The following STAG1 variants were observed in gnomAD, a reference collection of about 807,000 sequenced individuals.
STAG1 encodes the protein STAG1 cohesin complex component, also known as cohesin subunit SA-1.
In STAG1, 26 loss-of-function variants were observed where a neutral mutation model predicts 170.9. The observed-to-expected ratio is 0.15, with a 90% CI of 0.11 to 0.21. STAG1 has a LOEUF of 0.21. Ranked by LOEUF, STAG1 falls within the 10% of genes least tolerant of loss-of-function variation. The probability of loss-of-function intolerance (pLI) is 1.00; values close to 1 mark genes in which losing one functional copy is unlikely to be tolerated. For missense variants in STAG1, 964 were observed against 1,509.5 expected, an observed-to-expected ratio of 0.64 and a Z score of 5.99; for synonymous variants, 514 against 497.7, an observed-to-expected ratio of 1.03 and a Z score of -0.44.
At chr3:136,422,310 ACTCAATTTCATTTTAAAAT>A in intron 19 of STAG1, 81 bp downstream of exon 19, 1 of 1,126,084 alleles carries the variant, frequency 8.9e-7, no homozygotes, top group East Asian at 2.5e-5. Context: ...AGACAATTCT[ACTCAATTTCATTTTAAAAT>A]GAAAATGATT....
At chr3:136,428,862 T>G (rs1167370732) in intron 16 of STAG1, among the ~76,000 whole-genome samples, 1 of 152,150 alleles carries the variant, frequency 6.6e-6, no homozygotes, top group Non-Finnish European at 1.5e-5. Flanking sequence ...CAGCCAGGAA[T>G]GAGGGCTCAC....
intron 7 of STAG1, among the ~76,000 whole-genome samples, chr3:136,503,883 G>GCC (rs1013670593): frequency 7.9e-5 from 12 of 151,924 alleles, no homozygotes; most frequent in Admixed American, 1.3e-4. Context: ...TTACAGACAT[G>GCC]CACCACCACG....
At chr3:136,422,261 T>C (rs946027947) in intron 19 of STAG1, 149 bp downstream of exon 19, 4 of 617,428 alleles carry the variant, frequency 6.5e-6, no homozygotes, top group Admixed American at 3.1e-5. Flanking sequence ...CTTTATAGAA[T>C]ACACAATTGT....
intron 22 of STAG1, among the ~76,000 whole-genome samples, chr3:136,397,855 A>G (rs948589496): frequency 6.6e-6 from 1 of 152,160 alleles, no homozygotes; most frequent in African/African-American, 2.4e-5. Context: ...AAATTCAAAA[A>G]AAAAAAATTT....
At chr3:136,595,710 A>G (rs1261072822) in intron 4 of STAG1, among the ~76,000 whole-genome samples, 3 of 149,246 alleles carry the variant, frequency 2.0e-5, no homozygotes, top group African/African-American at 4.9e-5. Flanking sequence ...AAATAAATAA[A>G]TAAATAAATA....
intron 16 of STAG1, chr3:136,430,166 T>C (rs1019451752): frequency 6.6e-5 from 10 of 152,254 alleles, no homozygotes; most frequent in African/African-American, 2.4e-4. Context: ...TCAGTATATC[T>C]GCTGCCGAAG....
chr3:136,398,877 G>T, intron 21 of STAG1, 48 bp from the exon 22 acceptor site: 2 of 1,181,604 alleles, frequency 1.7e-6, no homozygotes, highest in Non-Finnish European at 2.4e-6. Context: ...TCAAAAAAAT[G>T]AGATCATCTG....
At chr3:136,552,986 T>C (rs957507193) in intron 5 of STAG1, among the ~76,000 whole-genome samples, 1 of 151,474 alleles carries the variant, frequency 6.6e-6, no homozygotes, top group Non-Finnish European at 1.5e-5. Context: ...AAAGACAACA[T>C]GCAAAAAACA....
At chr3:136,719,973 T>G (rs1156464022) in intron 1 of STAG1, among the ~76,000 whole-genome samples, 2 of 152,018 alleles carry the variant, frequency 1.3e-5, no homozygotes, top group Non-Finnish European at 2.9e-5. Context: ...GGCCAGGAGT[T>G]CGAGACCAGC....
intron 6 of STAG1, among the ~76,000 whole-genome samples, chr3:136,523,673 C>T (rs529926590): frequency 1.3e-5 from 2 of 152,264 alleles, no homozygotes; most frequent in Non-Finnish European, 2.9e-5. Context: ...CTTGCCCATG[C>T]CTATGTCCTG....
chr3:136,440,419 G>A (rs1272103761), intron 15 of STAG1, among the ~76,000 whole-genome samples: 1 of 151,998 alleles, frequency 6.6e-6, no homozygotes, highest in Non-Finnish European at 1.5e-5. Context: ...TTACAGGCCT[G>A]AGCCACTGCG....
chr3:136,605,346 G>C (rs1938881288), intron 3 of STAG1, among the ~76,000 whole-genome samples: 1 of 152,040 alleles, frequency 6.6e-6, no homozygotes, highest in Non-Finnish European at 1.5e-5. Context: ...TTAGGGCCAA[G>C]GATCATTTGA....
intron 1 of STAG1, among the ~76,000 whole-genome samples, chr3:136,653,830 G>A (rs1464169003): frequency 6.6e-6 from 1 of 152,120 alleles, no homozygotes; most frequent in Non-Finnish European, 1.5e-5. Context: ...ATGCAAGGAT[G>A]GTTCAATATA....
intron 20 of STAG1, among the ~76,000 whole-genome samples, chr3:136,418,523 A>C (rs1301012729): frequency 6.6e-6 from 1 of 151,958 alleles, no homozygotes; most frequent in African/African-American, 2.4e-5. Flanking sequence ...TGAATTTATT[A>C]AAGAAATCAA....
intron 16 of STAG1, among the ~76,000 whole-genome samples, chr3:136,424,478 G>A (rs912496431): frequency 6.6e-6 from 1 of 151,984 alleles, no homozygotes. Context: ...GGGACTACAG[G>A]TGCGTACCAC....
At position 136,538,413 on chromosome 3, in the gene STAG1, C is replaced by CTTTTTTTTTTTT. The variant is rs772305467; in HGVS notation, c.471+3694_471+3705dup. Among the ~76,000 whole-genome samples the CTTTTTTTTTTTT allele has an allele frequency of 1.4e-5, 2 of 139,058 alleles. 1 individual carries two copies. The highest frequency in any genetic ancestry group is 5.4e-5 in the African/African-American group (2 of 37,262). 91.2% of individuals were successfully genotyped at this position (139,058 alleles called of 152,430 possible). ...GTCTCAAATAATCACCATATAGTTA[C>CTTTTTTTTTTTT]TTTTTTTTTTTTTTCTTTTTTGAGA... On this transcript the variant is annotated intron_variant, in intron 6 of 33. Transcript: ENST00000383202.
chr3:136,564,643 C>T (rs894217163), intron 5 of STAG1, among the ~76,000 whole-genome samples: 4 of 152,010 alleles, frequency 2.6e-5, no homozygotes, highest in Non-Finnish European at 5.9e-5. Context: ...TGCTTCTATG[C>T]CCCTTCAACA....
At chr3:136,690,806 T>C (rs1469135890) in intron 1 of STAG1, among the ~76,000 whole-genome samples, 1 of 151,850 alleles carries the variant, frequency 6.6e-6, no homozygotes, top group African/African-American at 2.4e-5. Flanking sequence ...TTTGATACTA[T>C]GGGAAACAAA....
At chr3:136,427,221 T>C (rs1227114638) in intron 16 of STAG1, among the ~76,000 whole-genome samples, 3 of 149,138 alleles carry the variant, frequency 2.0e-5, no homozygotes, top group African/African-American at 7.4e-5. Flanking sequence ...AGAGCGAGAC[T>C]CCAACTCAAA....
Sources: allele counts gnomAD v4.1 joint callset (sites outside exome capture counted in the v4.1 genomes callset), GRCh38; gene constraint gnomAD v4.1.1; transcripts MANE v1.5; gene names NCBI Gene and HGNC (gene_info 2026-07-23, HGNC 2026-07-21).